The following GDAP1 variants were observed in gnomAD, a reference collection of about 807,000 sequenced individuals.
GDAP1 encodes the protein ganglioside induced differentiation associated protein 1.
GDAP1 carries 34 observed loss-of-function variants against 40.1 expected under a neutral mutation model. That is an observed-to-expected ratio of 0.85 (90% CI 0.64 to 1.13). The LOEUF (loss-of-function observed/expected upper bound fraction) is 1.13, where lower values mean the gene tolerates loss of function less well. GDAP1 is among the 50% of genes most tolerant of loss of function. The probability of loss-of-function intolerance (pLI) is 0.00; values close to 1 mark genes in which losing one functional copy is unlikely to be tolerated. For missense variants in GDAP1, 374 were observed against 433.7 expected, an observed-to-expected ratio of 0.86 and a Z score of 1.22; for synonymous variants, 170 against 157.4, an observed-to-expected ratio of 1.08 and a Z score of -0.60.
At chr8:74,457,711 C>T (rs549529031) in intron 2 of GDAP1, among the ~76,000 whole-genome samples, 3 of 152,008 alleles carry the variant, frequency 2.0e-5, no homozygotes, top group South Asian at 2.1e-4. Context: ...TTATTTTGTC[C>T]CTTTTTCCAA....
intron 2 of GDAP1, among the ~76,000 whole-genome samples, chr8:74,380,966 A>G (rs1208747293): frequency 2.0e-5 from 3 of 151,970 alleles, no homozygotes; most frequent in South Asian, 4.1e-4. Flanking sequence ...GTCCAGTGCA[A>G]TTTTCTTTGA....
chr8:74,440,602 G>T (rs1363992230), intron 2 of GDAP1, among the ~76,000 whole-genome samples: 1 of 29,870 alleles, frequency 3.3e-5, no homozygotes. Context: ...TACTTTAGAA[G>T]TCTTTTTTTT....
At chr8:74,479,349 A>G (rs1374527030) in intron 2 of GDAP1, among the ~76,000 whole-genome samples, 2 of 152,180 alleles carry the variant, frequency 1.3e-5, no homozygotes, top group Non-Finnish European at 2.9e-5. Context: ...TAATTATATT[A>G]TTTAGATATT....
intron 2 of GDAP1, among the ~76,000 whole-genome samples, chr8:74,396,265 C>T (rs1305958041): frequency 1.3e-5 from 2 of 151,604 alleles, no homozygotes; most frequent in Non-Finnish European, 2.9e-5. Context: ...TTATTGGTTT[C>T]CACAATTCCA....
chr8:74,466,782 C>T (rs1038381722), intron 2 of GDAP1, among the ~76,000 whole-genome samples: 8 of 152,162 alleles, frequency 5.3e-5, no homozygotes, highest in African/African-American at 1.4e-4. Context: ...TCTAGAGATA[C>T]GTACATTTGT....
chr8:74,465,018 G>C (rs1806450619), intron 2 of GDAP1, among the ~76,000 whole-genome samples: 1 of 151,944 alleles, frequency 6.6e-6, no homozygotes, highest in African/African-American at 2.4e-5. Context: ...TCAGGAGTTC[G>C]AGACCAGCCT....
intron 2 of GDAP1, among the ~76,000 whole-genome samples, chr8:74,468,520 CACACAT>C (rs1479806482): frequency 2.8e-4 from 37 of 129,898 alleles, no homozygotes; most frequent in African/African-American, 9.4e-4. Context: ...CACACACACA[CACACAT>C]GAATGTGTAT....
chr8:74,469,668 CAAA>C (rs753792948), intron 2 of GDAP1, among the ~76,000 whole-genome samples: 2 of 105,172 alleles, frequency 1.9e-5, no homozygotes, highest in Non-Finnish European at 2.0e-5. Context: ...GACTCCGTCT[CAAA>C]AAAAAAAAAA....
At chr8:74,442,714 G>A (rs1218473529) in intron 2 of GDAP1, among the ~76,000 whole-genome samples, 1 of 152,158 alleles carries the variant, frequency 6.6e-6, no homozygotes, top group Non-Finnish European at 1.5e-5. Flanking sequence ...CAGCACAGGA[G>A]AGCAAATGTA....
chr8:74,352,478 CA>C (rs1808922637), intron 2 of GDAP1, among the ~76,000 whole-genome samples: 1 of 151,704 alleles, frequency 6.6e-6, no homozygotes, highest in African/African-American at 2.4e-5. Context: ...ATTACTAGGA[CA>C]AAAAAAAGTC....
In GDAP1 at chr8:74,470,769, A is replaced by G. The variant is rs1340358191; in HGVS notation, c.166-17909A>G. 1.2e-4 allele frequency among the ~76,000 whole-genome samples: 18 copies of G among 152,342 alleles called. No homozygotes were observed. The East Asian group carries it at 3.5e-3, about 29-fold the overall frequency. On this transcript the variant is annotated intron_variant, in intron 2 of 2. Coordinates refer to the GDAP1 transcript ENST00000523640. ...TTTATAATCCTTTGCGTATATACCC[A>G]GTAATGGGATGGCTGGGTCAAATGG...
At chr8:74,373,332 A>G (rs1394765794) in intron 2 of GDAP1, among the ~76,000 whole-genome samples, 1 of 152,218 alleles carries the variant, frequency 6.6e-6, no homozygotes, top group Non-Finnish European at 1.5e-5. Context: ...CATTGAATCT[A>G]TAAATTACCT....
rs1303573123 is a variant in GDAP1, at chr8:74,404,542, TA to T, written c.165+53223del. On this transcript the variant is annotated intron_variant, in intron 2 of 2. Coordinates refer to the GDAP1 transcript ENST00000523640. Reference sequence around the variant, plus strand: ...ATGTAGAAAAGCTGAGTCACTCACCTAAGGTCACATGGCTACTCGGTGTGGA... The same window carrying T: ...ATGTAGAAAAGCTGAGTCACTCACCTAGGTCACATGGCTACTCGGTGTGGA... 2.7e-5 allele frequency among the ~76,000 whole-genome samples: 4 copies of T among 149,782 alleles called. 1 individual carries two copies. The highest frequency in any genetic ancestry group is 7.7e-5 in the African/African-American group (3 of 39,124).
intron 2 of GDAP1, among the ~76,000 whole-genome samples, chr8:74,358,997 G>A (rs1809230148): frequency 6.6e-6 from 1 of 152,138 alleles, no homozygotes; most frequent in Non-Finnish European, 1.5e-5. Flanking sequence ...ACATTTTTTA[G>A]GGACAGTTTG....
At chr8:74,450,444 T>C (rs1360342103) in intron 2 of GDAP1, among the ~76,000 whole-genome samples, 1 of 151,940 alleles carries the variant, frequency 6.6e-6, no homozygotes, top group Non-Finnish European at 1.5e-5. Flanking sequence ...TATTAAAATA[T>C]TCAATTCTGA....
At chr8:74,467,330 A>T (rs1015782543) in intron 2 of GDAP1, among the ~76,000 whole-genome samples, 5 of 152,224 alleles carry the variant, frequency 3.3e-5, no homozygotes, top group Admixed American at 6.5e-5. Flanking sequence ...AACACTTAGC[A>T]TGGTTAAATG....
chr8:74,456,817 A>T (rs753584286), intron 2 of GDAP1, among the ~76,000 whole-genome samples: 5 of 152,072 alleles, frequency 3.3e-5, no homozygotes, highest in Non-Finnish European at 5.9e-5. Flanking sequence ...AATATGCTTA[A>T]GATGGGGGTT....
chr8:74,372,689 G>A (rs542548705), intron 2 of GDAP1, among the ~76,000 whole-genome samples: 1 of 152,272 alleles, frequency 6.6e-6, no homozygotes, highest in Admixed American at 6.5e-5. Flanking sequence ...TGAGTAGATT[G>A]CAAAAATTTT....
intron 2 of GDAP1, among the ~76,000 whole-genome samples, chr8:74,469,038 G>GAT (rs1806510272): frequency 6.6e-6 from 1 of 152,030 alleles, no homozygotes; most frequent in Non-Finnish European, 1.5e-5. Flanking sequence ...TTTCTCCTCA[G>GAT]ATATATGCAT....
Sources: gnomAD v4.1 joint callset for allele counts (sites outside exome capture counted in the v4.1 genomes callset) on GRCh38, gnomAD v4.1.1 for gene constraint, MANE v1.5 for transcripts, NCBI Gene and HGNC (gene_info 2026-07-23, HGNC 2026-07-21) for gene names.